The following KATNIP variants were observed in gnomAD, a reference collection of about 807,000 sequenced individuals.
KATNIP encodes katanin interacting protein, also known as katanin-interacting protein.
KATNIP carries 126 observed loss-of-function variants against 174.0 expected under a neutral mutation model. That is an observed-to-expected ratio of 0.72 (90% CI 0.63 to 0.84). The LOEUF (loss-of-function observed/expected upper bound fraction) is 0.84. Ranked by LOEUF, KATNIP falls within the 40% of genes least tolerant of loss-of-function variation. The probability of loss-of-function intolerance (pLI) is 0.00; values close to 1 mark genes in which losing one functional copy is unlikely to be tolerated. For synonymous variants in KATNIP, 810 were observed against 835.7 expected, an observed-to-expected ratio of 0.97 and a Z score of 0.53; for missense variants, 1,958 against 2,109.7, an observed-to-expected ratio of 0.93 and a Z score of 1.41.
At chr16:27,602,316 G>A (rs538430157) in intron 2 of KATNIP, among the ~76,000 whole-genome samples, 1 of 152,224 alleles carries the variant, frequency 6.6e-6, no homozygotes, top group African/African-American at 2.4e-5. Context: ...GTAGCTTCCC[G>A]GCCGCCTCAG....
intron 8 of KATNIP, among the ~76,000 whole-genome samples, chr16:27,691,079 T>G (rs1190370471): frequency 6.6e-6 from 1 of 152,106 alleles, no homozygotes; most frequent in African/African-American, 2.4e-5. Flanking sequence ...GTCCTTAAAT[T>G]TCATATTCGC....
intron 13 of KATNIP, among the ~76,000 whole-genome samples, chr16:27,716,823 G>A (rs539865886): frequency 2.6e-5 from 4 of 151,614 alleles, no homozygotes; most frequent in East Asian, 1.9e-4. Flanking sequence ...AGAATGCTAC[G>A]TAAATGGAAT....
intron 6 of KATNIP, among the ~76,000 whole-genome samples, chr16:27,655,183 T>G (rs1280625572): frequency 0.017 from 128 of 7,434 alleles, 2 homozygotes; most frequent in African/African-American, 0.025. Flanking sequence ...AATGGATATA[T>G]ATATATATAT....
At chr16:27,721,854 C>A (rs939682842) in intron 14 of KATNIP, among the ~76,000 whole-genome samples, 159 bp downstream of exon 14, 9 of 152,190 alleles carry the variant, frequency 5.9e-5, no homozygotes, top group Admixed American at 3.9e-4. Flanking sequence ...ACACTGCATT[C>A]TCATAGCCCC....
intron 14 of KATNIP, among the ~76,000 whole-genome samples, chr16:27,731,678 G>A (rs2080692024): frequency 6.6e-6 from 1 of 151,638 alleles, no homozygotes; most frequent in African/African-American, 2.4e-5. Context: ...GAGTACAGTG[G>A]AGTGATCTCG....
chr16:27,629,571 C>G (rs1374106597), intron 4 of KATNIP, among the ~76,000 whole-genome samples: 1 of 152,188 alleles, frequency 6.6e-6, no homozygotes, highest in Non-Finnish European at 1.5e-5. Flanking sequence ...CCACAGGAAG[C>G]TTGTGTGTAA....
intron 18 of KATNIP, among the ~76,000 whole-genome samples, chr16:27,758,326 G>A (rs1454124865): frequency 2.0e-5 from 3 of 152,116 alleles, no homozygotes; most frequent in Non-Finnish European, 4.4e-5. Flanking sequence ...TCTGTATCCA[G>A]ACCATTGAGA....
chr16:27,770,112 G>C, intron 21 of KATNIP, 94 bp downstream of exon 21: 1 of 1,381,614 alleles, frequency 7.2e-7, no homozygotes. Flanking sequence ...AAAGGGTTTT[G>C]AAACGATGAT....
intron 3 of KATNIP, among the ~76,000 whole-genome samples, chr16:27,619,542 C>T (rs2076136723): frequency 6.6e-6 from 1 of 152,094 alleles, no homozygotes; most frequent in South Asian, 2.1e-4. Context: ...GTGACTTCAG[C>T]TCTGGTCTCA....
chr16:27,681,239 C>T (rs1490264614), intron 7 of KATNIP, 160 bp from the exon 8 acceptor site: 59 of 874,984 alleles, frequency 6.7e-5, no homozygotes, highest in Non-Finnish European at 1.0e-4. Context: ...AAACTTGTTT[C>T]GTCGCCTGCA....
chr16:27,613,925 G>A (rs72786406), intron 2 of KATNIP, among the ~76,000 whole-genome samples: 6,326 of 152,020 alleles, frequency 0.042, 187 homozygotes, highest in Middle Eastern at 0.088. Flanking sequence ...TGTTTCTCGG[G>A]TTTTTTAGAG....
At chr16:27,578,720 G>A (rs2090589456) in intron 2 of KATNIP, among the ~76,000 whole-genome samples, 2 of 152,120 alleles carry the variant, frequency 1.3e-5, no homozygotes, top group Admixed American at 1.3e-4. Context: ...TGAGATTACG[G>A]GTGTGTCCCA....
At position 27,772,118 on chromosome 16, in the gene KATNIP, A is replaced by T. The variant is rs547658325; in HGVS notation, c.4198+466A>T. 3.6e-4 allele frequency among the ~76,000 whole-genome samples: 55 copies of T among 152,294 alleles called. 1 individual carries two copies. Among genetic ancestry groups the T allele is most frequent in the South Asian group, 3.5e-3 (17 of 4,814 alleles). On this transcript the variant is annotated intron_variant, in intron 22 of 27. Coordinates refer to ENST00000261588, the MANE Select transcript of KATNIP (RefSeq NM_015202.5). ...ATAATGAGACTCCATATCTTAAAAA[A>T]AAATAAATAAATTAGCTGGTGGTAC...
In KATNIP at chr16:27,761,413, G is replaced by T; in HGVS notation, c.3632G>T (p.Cys1211Phe). Residue 1211 changes from cysteine (C) to phenylalanine (F), a missense_variant and splice_region_variant, in exon 19 of 28, where the codon TGC becomes TTC. Cys to Phe is a radical substitution (Grantham distance 205). Coordinates refer to ENST00000261588, the MANE Select transcript of KATNIP (RefSeq NM_015202.5). ...TPEPGIYHGICLQLNFTASWG... is the reference protein window; with the variant it reads ...TPEPGIYHGIFLQLNFTASWG... ...TGGGCCACTTCTCTTCCTGTTGCAG[G>T]CCTTCAGCTGAATTTCACTGCCTCC... 1 of 1,605,628 alleles carries T rather than the reference G, an allele frequency of 6.2e-7. No individual in the cohort carries two copies. The highest frequency in any genetic ancestry group is 8.5e-7 in the Non-Finnish European group (1 of 1,175,514).
At chr16:27,699,471 T>C in intron 9 of KATNIP, 63 bp from the exon 10 acceptor site, 1 of 1,604,020 alleles carries the variant, frequency 6.2e-7, no homozygotes, top group Admixed American at 1.7e-5. Flanking sequence ...CTCATCTTTC[T>C]GTGAACAGCA....
At position 27,766,393 on chromosome 16, in the gene KATNIP, G is replaced by C. The variant is rs772450355; in HGVS notation, c.3894G>C (p.Thr1298=). The change falls in exon 20 of 28, where the codon ACG becomes ACC. Residue 1298 remains threonine (T), a synonymous_variant. Coordinates refer to ENST00000261588, the MANE Select transcript of KATNIP (RefSeq NM_015202.5). The part of the protein sequence containing the change: ...PFSPGLDHVV[T]IRLDRAESIA... ...CGCCGGGGCTGGACCATGTGGTCAC[G>C]ATCCGCCTGGACAGGGCCGAAAGCA... The C allele has an allele frequency of 6.2e-7, 1 of 1,614,168 alleles. No individual in the cohort carries two copies. The highest frequency in any genetic ancestry group is 8.5e-7 in the Non-Finnish European group (1 of 1,180,042).
At chr16:27,615,357 A>G (rs1198471152) in intron 2 of KATNIP, among the ~76,000 whole-genome samples, 1 of 120,806 alleles carries the variant, frequency 8.3e-6, no homozygotes, top group Non-Finnish European at 1.8e-5. Context: ...TTATTTATTT[A>G]TTATTATTTT....
At chr16:27,599,894 C>T (rs963018586) in intron 2 of KATNIP, among the ~76,000 whole-genome samples, 11 of 152,312 alleles carry the variant, frequency 7.2e-5, no homozygotes, top group African/African-American at 2.2e-4. Flanking sequence ...TGCTCATGTG[C>T]GTCTGCTGCC....
intron 2 of KATNIP, among the ~76,000 whole-genome samples, chr16:27,587,319 G>A (rs2090940622): frequency 6.6e-6 from 1 of 152,208 alleles, no homozygotes; most frequent in South Asian, 2.1e-4. Flanking sequence ...TCCATCAGCT[G>A]GAGTAGCTGG....
Sources: gnomAD v4.1 joint callset for allele counts (sites outside exome capture counted in the v4.1 genomes callset) on GRCh38, gnomAD v4.1.1 for gene constraint, MANE v1.5 for transcripts, NCBI Gene and HGNC (gene_info 2026-07-23, HGNC 2026-07-21) for gene names.